The following DRC5 variants were observed in gnomAD, a reference collection of about 807,000 sequenced individuals.
The protein encoded by DRC5 is dynein regulatory complex subunit 5, also known as T-complex-associated testis-expressed protein 1.
At chr6:44,282,161 G>T in the DRC5 span, 1 of 1,614,102 alleles carries the variant, frequency 6.2e-7, no homozygotes, top group Non-Finnish European at 8.5e-7. Flanking sequence ...TGGTGTTGAT[G>T]GCGAGCACCT....
chr6:44,285,737 C>T, the DRC5 span, among the ~76,000 whole-genome samples: 1 of 152,170 alleles, frequency 6.6e-6, no homozygotes. Context: ...GGGCCTGGAG[C>T]GCAGCTGTTT....
chr6:44,290,512 G>A, the DRC5 span, among the ~76,000 whole-genome samples: 1 of 152,128 alleles, frequency 6.6e-6, no homozygotes, highest in African/African-American at 2.4e-5. Context: ...CAAAGTTTCT[G>A]AGGCCCTTCC....
chr6:44,293,306 C>CAAA, the DRC5 span, among the ~76,000 whole-genome samples: 5 of 88,856 alleles, frequency 5.6e-5, no homozygotes, highest in Non-Finnish European at 8.9e-5. Flanking sequence ...ACTATCCTCT[C>CAAA]AAAAAAAAAA....
chr6:44,280,125 T>C, the DRC5 span: 2 of 1,482,602 alleles, frequency 1.3e-6, no homozygotes, highest in Non-Finnish European at 1.9e-6. Flanking sequence ...GCAGCAGGCA[T>C]GGCAGGGGTA....
the DRC5 span, among the ~76,000 whole-genome samples, chr6:44,296,815 G>A: frequency 1.3e-5 from 2 of 152,168 alleles, no homozygotes; most frequent in Non-Finnish European, 2.9e-5. Flanking sequence ...AGGGCTCTGG[G>A]CTTTTGTCTA....
chr6:44,285,037 C>T, the DRC5 span, among the ~76,000 whole-genome samples: 10 of 152,238 alleles, frequency 6.6e-5, no homozygotes, highest in African/African-American at 2.4e-4. Flanking sequence ...ACCTCACACT[C>T]TGCGCCAGCC....
the DRC5 span, among the ~76,000 whole-genome samples, chr6:44,291,802 A>C: frequency 0.18 from 26,977 of 152,084 alleles, 2,564 homozygotes; most frequent in Non-Finnish European, 0.21. Flanking sequence ...CTACATCTGC[A>C]TTCCAGACTC....
the DRC5 span, among the ~76,000 whole-genome samples, chr6:44,291,973 C>T: frequency 6.6e-6 from 1 of 151,134 alleles, no homozygotes; most frequent in Non-Finnish European, 1.5e-5. Flanking sequence ...CTCTCCTTTC[C>T]TGCTGCTGCC....
the DRC5 span, chr6:44,282,289 A>G: frequency 6.2e-7 from 1 of 1,614,228 alleles, no homozygotes; most frequent in Non-Finnish European, 8.5e-7. Context: ...TCCTCGATGC[A>G]GTTGAGACGT....
chr6:44,292,478 A>G, the DRC5 span, among the ~76,000 whole-genome samples: 1 of 152,062 alleles, frequency 6.6e-6, no homozygotes, highest in Non-Finnish European at 1.5e-5. Flanking sequence ...CCACACCCAC[A>G]CTAGACTGTG....
At chr6:44,290,720 G>C in the DRC5 span, among the ~76,000 whole-genome samples, 1 of 152,354 alleles carries the variant, frequency 6.6e-6, no homozygotes, top group East Asian at 1.9e-4. Context: ...CCAGGGAGCA[G>C]GACCAGGCTT....
the DRC5 span, among the ~76,000 whole-genome samples, chr6:44,288,457 C>T: frequency 6.6e-6 from 1 of 152,148 alleles, no homozygotes; most frequent in Non-Finnish European, 1.5e-5. Flanking sequence ...CAAATTCATG[C>T]TCTGAACCCT....
the DRC5 span, chr6:44,287,725 C>T: frequency 6.2e-7 from 1 of 1,614,158 alleles, no homozygotes; most frequent in Non-Finnish European, 8.5e-7. Flanking sequence ...GAGCTGTGGG[C>T]TTGTGCTTGA....
the DRC5 span, among the ~76,000 whole-genome samples, chr6:44,283,983 C>T: frequency 6.6e-6 from 1 of 152,254 alleles, no homozygotes; most frequent in African/African-American, 2.4e-5. Flanking sequence ...TACATTCATC[C>T]CCTTTCTTGC....
At chr6:44,284,216 A>C in the DRC5 span, among the ~76,000 whole-genome samples, 9 of 151,788 alleles carry the variant, frequency 5.9e-5, no homozygotes, top group Non-Finnish European at 1.2e-4. Flanking sequence ...AGTGACCTCC[A>C]TGTTCACTAA....
At chr6:44,289,151 T>C in the DRC5 span, among the ~76,000 whole-genome samples, 1 of 148,422 alleles carries the variant, frequency 6.7e-6, no homozygotes, top group Non-Finnish European at 1.5e-5. Flanking sequence ...GATTCTCCTG[T>C]CTCAGCCTCC....
chr6:44,288,027 C>G, the DRC5 span: 3 of 556,340 alleles, frequency 5.4e-6, no homozygotes, highest in Admixed American at 7.4e-5. Context: ...TGGAGTGAAG[C>G]AGATCCAAGT....
chr6:44,284,350 CTCT>C, the DRC5 span, among the ~76,000 whole-genome samples: 4 of 152,012 alleles, frequency 2.6e-5, no homozygotes, highest in Non-Finnish European at 4.4e-5. Context: ...TCCTGGCAAG[CTCT>C]TCTTCTTCCA....
At chr6:44,282,669 T>C in the DRC5 span, 7 of 880,044 alleles carry the variant, frequency 8.0e-6, no homozygotes, top group Non-Finnish European at 1.2e-5. Flanking sequence ...TGGCTGGGTC[T>C]TGGAGGGGGC....
Sources: allele counts gnomAD v4.1 joint callset (sites outside exome capture counted in the v4.1 genomes callset), GRCh38; gene constraint gnomAD v4.1.1; transcripts MANE v1.5; gene names NCBI Gene and HGNC (gene_info 2026-07-23, HGNC 2026-07-21).